The following GRIN3A variants were observed in gnomAD, a reference collection of about 807,000 sequenced individuals.
GRIN3A encodes glutamate receptor ionotropic, NMDA 3A.
A neutral mutation model predicts 92.4 loss-of-function variants in GRIN3A; 47 were observed. The ratio of observed to expected loss-of-function variants is 0.51; its 90% CI spans 0.40 to 0.65. GRIN3A has a LOEUF of 0.65. Among genes scored for constraint, GRIN3A ranks in the 30% least tolerant of loss-of-function variants. The pLI is 0.00. For synonymous variants in GRIN3A, 527 were observed against 540.6 expected, an observed-to-expected ratio of 0.97 and a Z score of 0.35; for missense variants, 1,324 against 1,393.1, an observed-to-expected ratio of 0.95 and a Z score of 0.79.
intron 5 of GRIN3A, among the ~76,000 whole-genome samples, chr9:101,617,969 A>G (rs1383667079): frequency 6.6e-6 from 1 of 151,986 alleles, no homozygotes; most frequent in East Asian, 1.9e-4. Context: ...CCTACAAAGG[A>G]CATGAACTCA....
chr9:101,616,615 CCTTTTT>C (rs1564127212), intron 5 of GRIN3A, among the ~76,000 whole-genome samples: 3 of 151,150 alleles, frequency 2.0e-5, no homozygotes, highest in South Asian at 4.2e-4. Context: ...ACATCTCAAG[CCTTTTT>C]CTTTTAAAGA....
intron 3 of GRIN3A, among the ~76,000 whole-genome samples, chr9:101,646,333 C>T (rs1384768736): frequency 1.3e-5 from 2 of 151,634 alleles, no homozygotes; most frequent in South Asian, 2.1e-4. Context: ...GAGACTGTCT[C>T]TTCAATATGC....
intron 1 of GRIN3A, among the ~76,000 whole-genome samples, chr9:101,696,326 A>G (rs746000895): frequency 1.6e-4 from 25 of 152,236 alleles, no homozygotes; most frequent in Non-Finnish European, 2.8e-4. Flanking sequence ...TTTCCTGGAC[A>G]GTAGGAATAG....
At chr9:101,602,009 G>T (rs956761475) in intron 6 of GRIN3A, among the ~76,000 whole-genome samples, 53 of 152,264 alleles carry the variant, frequency 3.5e-4, no homozygotes, top group African/African-American at 1.2e-3. Flanking sequence ...AGGACAGAGG[G>T]AAGGAGCTCA....
intron 6 of GRIN3A, among the ~76,000 whole-genome samples, chr9:101,582,348 C>T (rs759628133): frequency 6.6e-6 from 1 of 152,106 alleles, no homozygotes; most frequent in Non-Finnish European, 1.5e-5. Context: ...GTTAGGGTCC[C>T]TAGAAAAGGA....
At chr9:101,679,503 C>T (rs767450717) in intron 2 of GRIN3A, among the ~76,000 whole-genome samples, 4 of 152,092 alleles carry the variant, frequency 2.6e-5, no homozygotes, top group African/African-American at 9.7e-5. Context: ...AAATTTTAGA[C>T]TCATCTCTTG....
In GRIN3A at chr9:101,628,396, A is replaced by G; in HGVS notation, c.2358T>C (p.His786=). The change falls in exon 4 of 9, where the codon CAT becomes CAC. Residue 786 remains histidine (H), a synonymous_variant. Transcript: ENST00000361820. The part of the protein sequence containing the change: ...ELSGIHDPKL[H]HPSQGFRFGT... ...CAAAGCGGAATCCTTGGGAAGGATG[A>G]TGTAACTATGAGGGAGAAAAAGAAA... 6.2e-7 allele frequency: 1 copy of G among 1,613,688 alleles called. No homozygotes were observed. The highest frequency in any genetic ancestry group is 8.5e-7 in the Non-Finnish European group (1 of 1,179,656).
Position 101,580,080 on chromosome 9 carries a change from C to T in GRIN3A, c.2767-720G>A, listed in dbSNP as rs750531640. On this transcript the variant is annotated intron_variant, in intron 6 of 8. Coordinates refer to ENST00000361820, the MANE Select transcript of GRIN3A (RefSeq NM_133445.3). ...GCCCAGGAAGAGGCATGAAGCTCAA[C>T]TGCACATGTGCATGTATCTCTTTTC... is the stretch of plus-strand genomic sequence containing the variant. Among the ~76,000 whole-genome samples the T allele has an allele frequency of 2.6e-5, 4 of 152,218 alleles. No individual in the cohort carries two copies. The South Asian group carries it at 8.3e-4, about 32-fold the overall frequency.
At chr9:101,672,188 T>A (rs1829337113) in intron 2 of GRIN3A, among the ~76,000 whole-genome samples, 1 of 136,750 alleles carries the variant, frequency 7.3e-6, no homozygotes, top group South Asian at 2.3e-4. Context: ...ACTTGAACAA[T>A]TTACTTAACT....
intron 6 of GRIN3A, among the ~76,000 whole-genome samples, chr9:101,605,711 T>A (rs1828272409): frequency 6.6e-6 from 1 of 152,212 alleles, no homozygotes; most frequent in Non-Finnish European, 1.5e-5. Context: ...TGCTGCGCAC[T>A]TCCCCTGATA....
intron 6 of GRIN3A, among the ~76,000 whole-genome samples, chr9:101,604,287 C>T (rs1250482197): frequency 5.3e-5 from 8 of 152,240 alleles, no homozygotes; most frequent in East Asian, 1.9e-4. Context: ...AAAGAAAGAA[C>T]GAATGAATTT....
At chr9:101,598,897 A>C (rs532547760) in intron 6 of GRIN3A, among the ~76,000 whole-genome samples, 1 of 152,190 alleles carries the variant, frequency 6.6e-6, no homozygotes. Context: ...TCACTGGCCC[A>C]TCAGGCACTC....
intron 3 of GRIN3A, among the ~76,000 whole-genome samples, chr9:101,669,113 A>C (rs1205694555): frequency 1.3e-5 from 2 of 152,070 alleles, no homozygotes; most frequent in Admixed American, 6.6e-5. Context: ...TGTATCCTAC[A>C]TGTTGGAATG....
At chr9:101,594,982 C>T in intron 6 of GRIN3A, 3 of 1,553,918 alleles carry the variant, frequency 1.9e-6, no homozygotes, top group Middle Eastern at 3.6e-4. Flanking sequence ...GGGCGGTGAG[C>T]TCGGGCGGGG....
chr9:101,644,958 A>C (rs1001672820), intron 3 of GRIN3A, among the ~76,000 whole-genome samples: 2 of 151,940 alleles, frequency 1.3e-5, no homozygotes, highest in Non-Finnish European at 2.9e-5. Context: ...TCAAATCAGG[A>C]TGATTAGGAT....
At chr9:101,701,898 T>G (rs764034728) in intron 1 of GRIN3A, among the ~76,000 whole-genome samples, 4 of 152,156 alleles carry the variant, frequency 2.6e-5, no homozygotes, top group Non-Finnish European at 4.4e-5. Flanking sequence ...TCCTGAGATC[T>G]CCCACCAGCT....
intron 1 of GRIN3A, among the ~76,000 whole-genome samples, chr9:101,712,574 A>G (rs1829892392): frequency 1.3e-5 from 2 of 152,246 alleles, no homozygotes; most frequent in Non-Finnish European, 2.9e-5. Context: ...TCTAGAACTC[A>G]TCCATAAGAT....
intron 5 of GRIN3A, among the ~76,000 whole-genome samples, chr9:101,617,201 C>T (rs1035808929): frequency 5.7e-5 from 6 of 104,352 alleles, no homozygotes; most frequent in Middle Eastern, 0.011. Flanking sequence ...AGCGAGACTC[C>T]GTCTAAAAAA....
At chr9:101,631,629 T>C (rs12683993) in intron 3 of GRIN3A, among the ~76,000 whole-genome samples, 18,349 of 152,194 alleles carry the variant, frequency 0.12, 1,192 homozygotes, top group East Asian at 0.22. Flanking sequence ...ACTGTCTCTT[T>C]GTGTTTTTCC....
Sources: gnomAD v4.1 joint callset for allele counts (sites outside exome capture counted in the v4.1 genomes callset) on GRCh38, gnomAD v4.1.1 for gene constraint, MANE v1.5 for transcripts, NCBI Gene and HGNC (gene_info 2026-07-23, HGNC 2026-07-21) for gene names.